MOSMO: variants seen among roughly 807,000 people sequenced by gnomAD.
The protein encoded by MOSMO is modulator of smoothened protein.
In MOSMO, 5 loss-of-function variants were observed where a neutral mutation model predicts 18.4. The ratio of observed to expected loss-of-function variants is 0.27; its 90% CI spans 0.14 to 0.57. MOSMO has a LOEUF of 0.57. MOSMO is among the 20% of genes least tolerant of loss of function. The pLI, the probability that MOSMO is intolerant of heterozygous loss-of-function variation, is 0.92. For missense variants in MOSMO, 138 were observed against 211.8 expected, an observed-to-expected ratio of 0.65 and a Z score of 2.16; for synonymous variants, 82 against 82.3, an observed-to-expected ratio of 1.00 and a Z score of 0.02.
intron 1 of MOSMO, among the ~76,000 whole-genome samples, chr16:22,030,833 T>A (rs189727190): frequency 5.9e-5 from 9 of 152,276 alleles, no homozygotes; most frequent in East Asian, 5.8e-4. Flanking sequence ...CCAGTCTTTT[T>A]TTATTATTAT....
rs1244252311 is a variant in MOSMO, at chr16:22,075,540, C to T, written c.160C>T (p.Arg54Trp). The change falls in exon 2 of 3, where the codon CGG (arginine) becomes TGG (tryptophan). Residue 54 changes from arginine (R) to tryptophan (W), a missense_variant. Coordinates refer to ENST00000542527, the MANE Select transcript of MOSMO (RefSeq NM_001164579.2). Reference protein sequence around the residue: ...RQCQTIHGRDRTCIPPRLPPE... With the variant: ...RQCQTIHGRDWTCIPPRLPPE... ...GTGTCAAACAATCCATGGACGAGAC[C>T]GGACGTGCATCCCTCCCCGGCTTCC... 5.9e-6 allele frequency: 9 copies of T among 1,537,182 alleles called. No homozygotes were observed. The highest frequency in any genetic ancestry group is 4.9e-5 in the East Asian group (2 of 40,934).
chr16:22,026,797 A>G (rs1333041455), intron 1 of MOSMO, among the ~76,000 whole-genome samples: 3 of 152,204 alleles, frequency 2.0e-5, no homozygotes, highest in Non-Finnish European at 4.4e-5. Context: ...AAGGAAGAAA[A>G]TATGTAAATA....
At chr16:22,048,682 CGTT>C (rs1900363549) in intron 1 of MOSMO, among the ~76,000 whole-genome samples, 1 of 151,980 alleles carries the variant, frequency 6.6e-6, no homozygotes, top group African/African-American at 2.4e-5. Flanking sequence ...CCCAGTCTCA[CGTT>C]GTTTTTCAAA....
chr16:22,012,740 A>G (rs1477596002), intron 1 of MOSMO, among the ~76,000 whole-genome samples: 51 of 100,408 alleles, frequency 5.1e-4, no homozygotes, highest in South Asian at 1.8e-3. Flanking sequence ...GAAGGAATAG[A>G]AAAAAAAAAA....
At chr16:22,071,286 G>A (rs1900845804) in intron 1 of MOSMO, among the ~76,000 whole-genome samples, 1 of 152,224 alleles carries the variant, frequency 6.6e-6, no homozygotes, top group Admixed American at 6.5e-5. Context: ...GGAGATGGAA[G>A]AAGATAATAG....
intron 1 of MOSMO, among the ~76,000 whole-genome samples, chr16:22,058,968 A>G (rs1324654649): frequency 6.6e-6 from 1 of 152,224 alleles, no homozygotes; most frequent in Non-Finnish European, 1.5e-5. Flanking sequence ...GACGTTCTGT[A>G]TAATTTTTAT....
At chr16:22,091,049 T>A (rs1171160716), downstream of MOSMO, among the ~76,000 whole-genome samples, 4 of 150,670 alleles carry the variant, frequency 2.7e-5, no homozygotes, top group Admixed American at 1.3e-4. Flanking sequence ...AAAAAAAAAA[T>A]GTTGTCAAAA....
chr16:22,013,959 G>C (rs1899586935), intron 1 of MOSMO, among the ~76,000 whole-genome samples: 1 of 152,018 alleles, frequency 6.6e-6, no homozygotes, highest in Non-Finnish European at 1.5e-5. Context: ...AAAGAAATAA[G>C]GTATTTAGGG....
chr16:22,033,295 G>A (rs1900034421), intron 1 of MOSMO, among the ~76,000 whole-genome samples: 1 of 152,096 alleles, frequency 6.6e-6, no homozygotes, highest in South Asian at 2.1e-4. Flanking sequence ...TATCGTCTAA[G>A]TCTTCTAATC....
chr16:22,076,549 C>G (rs1398120179), intron 2 of MOSMO, among the ~76,000 whole-genome samples: 1 of 152,176 alleles, frequency 6.6e-6, no homozygotes, highest in Admixed American at 6.5e-5. Flanking sequence ...GTTTAGAAAT[C>G]CTGCTCTAAA....
chr16:22,026,927 A>T (rs201063979), intron 1 of MOSMO, among the ~76,000 whole-genome samples: 5 of 130,038 alleles, frequency 3.8e-5, no homozygotes, highest in African/African-American at 1.0e-4. Flanking sequence ...TGTTTTTTTT[A>T]AATTACAGTG....
Position 22,016,147 on chromosome 16 carries a change from T to C in MOSMO, c.106+7740T>C, listed in dbSNP as rs191875227. 1.2e-4 allele frequency among the ~76,000 whole-genome samples: 19 copies of C among 152,322 alleles called. No homozygotes were observed. In the East Asian group the frequency reaches 3.3e-3, roughly 26 times the overall value. ...AGTATAGTAAAATGGTTCTGTAGGA[T>C]TTGGAGTCAGGCATATCTCTATTTG... On this transcript the variant is annotated intron_variant, in intron 1 of 2. Coordinates refer to ENST00000542527, the MANE Select transcript of MOSMO (RefSeq NM_001164579.2).
intron 1 of MOSMO, among the ~76,000 whole-genome samples, chr16:22,037,961 C>G (rs2050106290): frequency 6.6e-6 from 1 of 152,122 alleles, no homozygotes; most frequent in African/African-American, 2.4e-5. Context: ...ACCTTTAGCC[C>G]CTCTCCCTTA....
chr16:22,034,036 G>A (rs1900051984), intron 1 of MOSMO, among the ~76,000 whole-genome samples: 1 of 152,124 alleles, frequency 6.6e-6, no homozygotes, highest in Admixed American at 6.5e-5. Context: ...GTAAGTCACG[G>A]ACCACGGGGA....
intron 1 of MOSMO, among the ~76,000 whole-genome samples, chr16:22,057,305 C>T (rs1900556102): frequency 1.3e-5 from 2 of 152,156 alleles, no homozygotes; most frequent in Non-Finnish European, 2.9e-5. Context: ...CAAGATGGGT[C>T]CTTGATGCTG....
intron 1 of MOSMO, chr16:22,064,229 G>T (rs1456010598): frequency 2.2e-6 from 1 of 448,480 alleles, no homozygotes; most frequent in African/African-American, 2.0e-5. Flanking sequence ...AGGCTATGGG[G>T]TCATTAATGT....
At chr16:22,035,750 A>G (rs994568078) in intron 1 of MOSMO, among the ~76,000 whole-genome samples, 1 of 152,178 alleles carries the variant, frequency 6.6e-6, no homozygotes, top group African/African-American at 2.4e-5. Flanking sequence ...TTCTTATTCC[A>G]TGAATGAGGA....
intron 1 of MOSMO, among the ~76,000 whole-genome samples, chr16:22,056,434 C>T (rs971431353): frequency 5.2e-5 from 7 of 135,748 alleles, no homozygotes; most frequent in African/African-American, 2.0e-4. Context: ...TGCAATGGCG[C>T]GATCTCAGCT....
chr16:22,037,342 G>A (rs1900128479), intron 1 of MOSMO, among the ~76,000 whole-genome samples: 1 of 152,172 alleles, frequency 6.6e-6, no homozygotes, highest in South Asian at 2.1e-4. Context: ...GAAGAAAGAA[G>A]TGGTTGGCAG....
Sources: allele counts gnomAD v4.1 joint callset (sites outside exome capture counted in the v4.1 genomes callset), GRCh38; gene constraint gnomAD v4.1.1; transcripts MANE v1.5; gene names NCBI Gene and HGNC (gene_info 2026-07-23, HGNC 2026-07-21).